The following PFKFB3 variants were observed in gnomAD, a reference collection of about 807,000 sequenced individuals.
The protein encoded by PFKFB3 is 6-phosphofructo-2-kinase/fructose-2,6-bisphosphatase 3.
In PFKFB3, 33 loss-of-function variants were observed where a neutral mutation model predicts 68.0. The ratio of observed to expected loss-of-function variants is 0.49; its 90% CI spans 0.37 to 0.65. The LOEUF (loss-of-function observed/expected upper bound fraction) is 0.65, where lower values mean the gene tolerates loss of function less well. Ranked by LOEUF, PFKFB3 falls within the 30% of genes least tolerant of loss-of-function variation. The pLI is 0.00. For missense variants in PFKFB3, 586 were observed against 712.2 expected (o/e 0.82, Z 2.02); for synonymous variants, 315 against 288.2 (o/e 1.09, Z -0.94).
At chr10:6,305,005 ATTTTTTTTTTTT>A in the PFKFB3 span, among the ~76,000 whole-genome samples, 31 of 14,526 alleles carry the variant, frequency 2.1e-3, 4 homozygotes, top group Admixed American at 1.3e-3. Context: ...AATATTAGGA[ATTTTTTTTTTTT>A]TTTTTTTTTT....
chr10:6,226,322 C>T lies in PFKFB3; in HGVS notation c.1472C>T (p.Pro491Leu). ...EHVASTSAAL[P>L]SCLPPEVPTQ... Reference sequence around the variant, plus strand: ...GTGGCCTCCACCTCGGCCGCCCTGCCCAGCTGCCTGCCCCCGGAGGTGCCC... The same window carrying T: ...GTGGCCTCCACCTCGGCCGCCCTGCTCAGCTGCCTGCCCCCGGAGGTGCCC... The change falls in exon 14 of 15, where the codon CCC becomes CTC. Residue 491 changes from proline (P) to leucine (L), a missense_variant. By Grantham distance (98) the Pro-to-Leu change is moderately conservative. Transcript: ENST00000379775. The T allele has an allele frequency of 1.2e-6, 2 of 1,614,008 alleles. No individual in the cohort carries two copies. The highest frequency in any genetic ancestry group is 1.7e-6 in the Non-Finnish European group (2 of 1,179,982).
chr10:6,213,550 T>C, intron 1 of PFKFB3, 73 bp from the exon 2 acceptor site: 2 of 1,514,458 alleles, frequency 1.3e-6, no homozygotes, highest in Non-Finnish European at 1.8e-6. Context: ...TCAGTGTTAT[T>C]GTTGGGTGTG....
At chr10:6,302,753 C>T in the PFKFB3 span, among the ~76,000 whole-genome samples, 1 of 93,450 alleles carries the variant, frequency 1.1e-5, no homozygotes, top group East Asian at 2.1e-4. Flanking sequence ...TGTGTATACA[C>T]ACACACACAC....
chr10:6,194,631 C>T (rs588916), intron 1 of PFKFB3, among the ~76,000 whole-genome samples: 84,109 of 152,046 alleles, frequency 0.55, 25,795 homozygotes, highest in Non-Finnish European at 0.69. Context: ...GATAATGGAG[C>T]AAACAGCTTG....
chr10:6,173,294 C>T (rs2387015), intron 1 of PFKFB3, among the ~76,000 whole-genome samples: 36,837 of 152,022 alleles, frequency 0.24, 5,662 homozygotes, highest in African/African-American at 0.43. Flanking sequence ...GAGGTCGAGG[C>T]GCAACCTGTA....
At chr10:6,199,036 T>C (rs1294862471), upstream of PFKFB3, among the ~76,000 whole-genome samples, 1 of 152,216 alleles carries the variant, frequency 6.6e-6, no homozygotes, top group African/African-American at 2.4e-5. Flanking sequence ...TACAAATAAT[T>C]TATTGAAATA....
chr10:6,324,648 T>C, the PFKFB3 span, among the ~76,000 whole-genome samples: 38 of 152,222 alleles, frequency 2.5e-4, no homozygotes, highest in African/African-American at 8.4e-4. Flanking sequence ...CAGGCTGGTC[T>C]CGAACTCCCG....
Position 6,189,794 on chromosome 10 carries a change from C to T in PFKFB3, c.17-23829C>T, listed in dbSNP as rs549850217. Among the ~76,000 whole-genome samples the T allele has an allele frequency of 7.2e-5, 11 of 151,992 alleles. No homozygotes were observed. In the East Asian group the frequency reaches 1.6e-3, roughly 22 times the overall value. ...CCTCCCAGAGTGCTGGGATTACAGG[C>T]GTGAGCCACTGCACCTGGCTTGAGG... On this transcript the variant is annotated intron_variant, in intron 1 of 14. Coordinates refer to the PFKFB3 transcript ENST00000379789.
chr10:6,164,483 T>A (rs1842070498), intron 1 of PFKFB3, among the ~76,000 whole-genome samples: 1 of 152,194 alleles, frequency 6.6e-6, no homozygotes, highest in Non-Finnish European at 1.5e-5. Context: ...TTGAAAGACT[T>A]CTGAAGGGGG....
At chr10:6,280,021 C>T in the PFKFB3 span, among the ~76,000 whole-genome samples, 1 of 152,172 alleles carries the variant, frequency 6.6e-6, no homozygotes, top group Non-Finnish European at 1.5e-5. Flanking sequence ...GGTTCCAGGG[C>T]TTTCCACGCT....
downstream of PFKFB3, among the ~76,000 whole-genome samples, chr10:6,240,304 C>T (rs1161609284): frequency 6.6e-6 from 1 of 151,756 alleles, no homozygotes; most frequent in Non-Finnish European, 1.5e-5. Flanking sequence ...TCGCTTTGTC[C>T]CCCAGGCTGG....
intron 13 of PFKFB3, 52 bp from the exon 14 acceptor site, chr10:6,226,140 T>C: frequency 2.7e-6 from 4 of 1,463,568 alleles, no homozygotes; most frequent in Non-Finnish European, 3.7e-6. Context: ...CTAATTTTCC[T>C]CCCCTTCTTT....
the PFKFB3 span, among the ~76,000 whole-genome samples, chr10:6,272,649 C>T: frequency 3.3e-5 from 5 of 152,072 alleles, no homozygotes; most frequent in Admixed American, 2.0e-4. Flanking sequence ...GAGCCCAGAT[C>T]GTGCCATTGA....
intron 14 of PFKFB3, 67 bp downstream of exon 14, chr10:6,226,432 A>G: frequency 6.7e-7 from 1 of 1,482,426 alleles, no homozygotes; most frequent in Non-Finnish European, 9.2e-7. Flanking sequence ...CAGATCTGGG[A>G]TTGCGTGCGT....
At chr10:6,247,647 C>G (rs1187164669) in intron 14 of PFKFB3, among the ~76,000 whole-genome samples, 3 of 152,168 alleles carry the variant, frequency 2.0e-5, no homozygotes, top group African/African-American at 7.2e-5. Context: ...ACGCCTCCCT[C>G]TCCTCTCCTG....
chr10:6,301,666 C>T, the PFKFB3 span, among the ~76,000 whole-genome samples: 6 of 152,194 alleles, frequency 3.9e-5, no homozygotes, highest in Non-Finnish European at 7.3e-5. Context: ...TAGGGCAGTT[C>T]GTCTGCCCTC....
intron 1 of PFKFB3, among the ~76,000 whole-genome samples, chr10:6,158,802 G>A (rs1841884165): frequency 6.6e-6 from 1 of 152,028 alleles, no homozygotes; most frequent in Admixed American, 6.6e-5. Flanking sequence ...AAGAGGCGGA[G>A]GCTGCAGTGA....
rs768626126 is a variant in PFKFB3 at position 6,229,119 on chromosome 10, G to A, written c.1515+2754G>A. 3 of 526,472 alleles carry A rather than the reference G, an allele frequency of 5.7e-6. No homozygotes were observed. In the Admixed American group the frequency reaches 5.9e-5, roughly 10 times the overall value. The allele number at this position is 526,472 out of a possible 1,614,324, so 32.6% of individuals were successfully genotyped here. A position where few individuals can be genotyped will look rare whatever the true frequency, so the allele number is the denominator to read the frequency against. The stretch of plus-strand genomic sequence containing the variant: ...AACTACTTTATGCAGAAACTGGAAA[G>A]GTGTGATGAGGAATGCAGCCTGAGA... On this transcript the variant is annotated intron_variant, in intron 14 of 14. Transcript: ENST00000379775. This position sits in a 1 kb window ranked among gnomAD's most constrained non-coding sequence, Gnocchi z 4.3.
At chr10:6,249,178 T>TAAAAAAA (rs71391803) in intron 14 of PFKFB3, among the ~76,000 whole-genome samples, 10 of 76,940 alleles carry the variant, frequency 1.3e-4, no homozygotes, top group South Asian at 4.5e-4. Context: ...CCGTCTCAAT[T>TAAAAAAA]AAAAAAAAAA....
Sources: allele counts gnomAD v4.1 joint callset (sites outside exome capture counted in the v4.1 genomes callset), GRCh38; gene constraint gnomAD v4.1.1; non-coding constraint Gnocchi (gnomAD v3.1); transcripts MANE v1.5; gene names NCBI Gene and HGNC (gene_info 2026-07-23, HGNC 2026-07-21).